Variants in CTNNA2 observed in about 807,000 individuals in gnomAD.
CTNNA2 encodes catenin alpha 2.
A neutral mutation model predicts 101.0 loss-of-function variants in CTNNA2; 42 were observed. That is an observed-to-expected ratio of 0.42 (90% CI 0.32 to 0.54). The LOEUF (loss-of-function observed/expected upper bound fraction) is 0.54, where lower values mean the gene tolerates loss of function less well. Ranked by LOEUF, CTNNA2 falls within the 20% of genes least tolerant of loss-of-function variation. CTNNA2 has a pLI of 0.14. For synonymous variants in CTNNA2, 450 were observed against 456.4 expected (o/e 0.99, Z 0.18); for missense variants, 871 against 1,223.1 (o/e 0.71, Z 4.29).
chr2:80,020,186 C>G (rs773590390), intron 7 of CTNNA2, among the ~76,000 whole-genome samples: 4 of 152,050 alleles, frequency 2.6e-5, no homozygotes, highest in African/African-American at 2.4e-5. Flanking sequence ...TTGTACAAAC[C>G]AAGCACATCA....
At chr2:79,501,945 C>T (rs1381817476) in intron 4 of CTNNA2, among the ~76,000 whole-genome samples, 1 of 151,366 alleles carries the variant, frequency 6.6e-6, no homozygotes, top group African/African-American at 2.4e-5. Context: ...AAATAGTCTC[C>T]CATATTCAAG....
intron 7 of CTNNA2, among the ~76,000 whole-genome samples, chr2:79,953,123 C>T (rs1305898872): frequency 6.6e-6 from 1 of 152,140 alleles, no homozygotes; most frequent in African/African-American, 2.4e-5. Flanking sequence ...TGCTGACGTT[C>T]AATTCTCACT....
intron 2 of CTNNA2, among the ~76,000 whole-genome samples, chr2:79,716,677 G>C (rs1249925927): frequency 6.6e-6 from 1 of 152,166 alleles, no homozygotes; most frequent in East Asian, 1.9e-4. Flanking sequence ...GGGAGCTCCA[G>C]GAGGGGTGTC....
intron 4 of CTNNA2, among the ~76,000 whole-genome samples, chr2:79,375,894 C>T (rs555273001): frequency 6.6e-6 from 1 of 152,110 alleles, no homozygotes; most frequent in Non-Finnish European, 1.5e-5. Flanking sequence ...CAAGCATAAT[C>T]AAGAAATGCT....
intron 7 of CTNNA2, among the ~76,000 whole-genome samples, chr2:80,088,892 T>G (rs1485609733): frequency 6.6e-6 from 1 of 152,052 alleles, no homozygotes; most frequent in Non-Finnish European, 1.5e-5. Context: ...GTTTCTTTCC[T>G]GTCAGACAGA....
chr2:80,373,493 A>G (rs1228600121), intron 7 of CTNNA2, among the ~76,000 whole-genome samples: 1 of 152,206 alleles, frequency 6.6e-6, no homozygotes, highest in East Asian at 1.9e-4. Flanking sequence ...CACATAGCAT[A>G]TAGAAGTTCT....
intron 4 of CTNNA2, among the ~76,000 whole-genome samples, chr2:79,484,753 G>A (rs1395618347): frequency 1.3e-5 from 2 of 152,152 alleles, no homozygotes; most frequent in African/African-American, 4.8e-5. Flanking sequence ...CTTCTCAAGA[G>A]TGTGGTCAGC....
chr2:80,112,609 C>T (rs1248119166), intron 7 of CTNNA2, among the ~76,000 whole-genome samples: 9 of 152,146 alleles, frequency 5.9e-5, no homozygotes, highest in Non-Finnish European at 1.0e-4. Flanking sequence ...ACTTTAAATT[C>T]CTGCTTGATT....
chr2:80,331,316 A>T, intron 7 of CTNNA2, among the ~76,000 whole-genome samples: 1 of 152,164 alleles, frequency 6.6e-6, no homozygotes, highest in Admixed American at 6.5e-5. Flanking sequence ...CCTCCGTTTG[A>T]TTGCCAGGGC....
chr2:80,424,831 A>G (rs1215847962), intron 9 of CTNNA2, among the ~76,000 whole-genome samples: 2 of 152,128 alleles, frequency 1.3e-5, no homozygotes, highest in Non-Finnish European at 2.9e-5. Context: ...GCTATTTGCA[A>G]CTTAACTGAC....
At chr2:79,347,973 A>T (rs1573105639) in intron 3 of CTNNA2, among the ~76,000 whole-genome samples, 1 of 152,166 alleles carries the variant, frequency 6.6e-6, no homozygotes, top group East Asian at 1.9e-4. Flanking sequence ...ATAAATCAGG[A>T]TCCAGAGAGA....
intron 3 of CTNNA2, among the ~76,000 whole-genome samples, chr2:79,337,604 C>T (rs1183579971): frequency 6.6e-6 from 1 of 152,164 alleles, no homozygotes; most frequent in Admixed American, 6.5e-5. Flanking sequence ...ATTTCACAAA[C>T]TATACAACCC....
intron 7 of CTNNA2, among the ~76,000 whole-genome samples, chr2:79,973,158 A>G (rs1300755016): frequency 6.6e-6 from 1 of 152,010 alleles, no homozygotes; most frequent in African/African-American, 2.4e-5. Context: ...TGTCTTTCTG[A>G]TGTCTTTGGC....
At chr2:79,257,889 C>G (rs1269094191) in intron 2 of CTNNA2, among the ~76,000 whole-genome samples, 1 of 152,104 alleles carries the variant, frequency 6.6e-6, no homozygotes, top group Non-Finnish European at 1.5e-5. Context: ...GGACAATGCT[C>G]CCACTGAAAC....
intron 1 of CTNNA2, among the ~76,000 whole-genome samples, chr2:79,520,913 T>C (rs1027038715): frequency 6.6e-5 from 10 of 151,978 alleles, no homozygotes; most frequent in Middle Eastern, 3.4e-3. Flanking sequence ...TGGCAGTTTC[T>C]CTTAATGTTA....
intron 2 of CTNNA2, among the ~76,000 whole-genome samples, chr2:79,683,533 A>T (rs994076031): frequency 1.3e-5 from 2 of 152,188 alleles, no homozygotes; most frequent in African/African-American, 4.8e-5. Context: ...TCCAGCCATC[A>T]TTCAGGGAAG....
chr2:79,526,240 A>T (rs931059068), intron 1 of CTNNA2, among the ~76,000 whole-genome samples: 37 of 152,196 alleles, frequency 2.4e-4, no homozygotes, highest in Non-Finnish European at 4.1e-4. Context: ...TATTGTAATT[A>T]TAAAACAATC....
intron 7 of CTNNA2, among the ~76,000 whole-genome samples, chr2:80,251,656 CTT>C (rs1671775214): frequency 6.6e-6 from 1 of 152,156 alleles, no homozygotes; most frequent in Non-Finnish European, 1.5e-5. Context: ...CTCTGGCTCT[CTT>C]TGTTATTGGA....
intron 7 of CTNNA2, among the ~76,000 whole-genome samples, chr2:80,383,855 G>A (rs2149352968): frequency 6.6e-6 from 1 of 151,974 alleles, no homozygotes; most frequent in East Asian, 1.9e-4. Context: ...CTACCATAAA[G>A]ACACACGTAC....
Sources: gnomAD v4.1 joint callset for allele counts (sites outside exome capture counted in the v4.1 genomes callset) on GRCh38, gnomAD v4.1.1 for gene constraint, MANE v1.5 for transcripts, NCBI Gene and HGNC (gene_info 2026-07-23, HGNC 2026-07-21) for gene names.